RFC4: variants seen among roughly 807,000 people sequenced by gnomAD.
RFC4 encodes replication factor C subunit 4.
Under a neutral mutation model 47.6 loss-of-function variants are expected in RFC4, and 38 were observed. That is an observed-to-expected ratio of 0.80 (90% CI 0.62 to 1.05). RFC4 has a LOEUF of 1.05. Among genes scored for constraint, RFC4 ranks in the 50% least tolerant of loss-of-function variants. The pLI is 0.00. For synonymous variants in RFC4, 164 were observed against 150.0 expected, an observed-to-expected ratio of 1.09 and a Z score of -0.68; for missense variants, 489 against 434.0, an observed-to-expected ratio of 1.13 and a Z score of -1.13.
rs114462091 is a variant in RFC4 at position 186,804,978 on chromosome 3, T to C, written c.-11-254A>G. The C allele has an allele frequency of 6.0e-3, 2,019 of 338,046 alleles. 12 individuals carry two copies. Among genetic ancestry groups the C allele is most frequent in the Non-Finnish European group, 8.5e-3 (1,575 of 186,080 alleles). 20.9% of individuals were successfully genotyped at this position (338,046 alleles called of 1,614,324 possible). On this transcript the variant is annotated intron_variant, in intron 1 of 10. Transcript: ENST00000296273. ...CCCTAACGAACTTAGAATCTATTTC[T>C]AGTGCAGGAGTTATAGAACAAAGAT... is the stretch of plus-strand genomic sequence containing the variant.
chr3:186,800,959 A>C (rs1464240787), intron 3 of RFC4, among the ~76,000 whole-genome samples, 158 bp downstream of exon 3: 1 of 152,228 alleles, frequency 6.6e-6, no homozygotes, highest in African/African-American at 2.4e-5. Context: ...ATGCTCAATA[A>C]ATATTTGAAC....
chr3:186,806,040 T>A (rs1303550622), intron 1 of RFC4, among the ~76,000 whole-genome samples: 1 of 152,256 alleles, frequency 6.6e-6, no homozygotes, highest in Non-Finnish European at 1.5e-5. Flanking sequence ...TTTTAATATC[T>A]GTTAGCAGCC....
At chr3:186,792,383 A>G in intron 7 of RFC4, 107 bp downstream of exon 7, 1 of 900,756 alleles carries the variant, frequency 1.1e-6, no homozygotes, top group South Asian at 1.8e-5. Context: ...TGTCTGAAGA[A>G]CTGGCATCAG....
Position 186,794,659 on chromosome 3 carries a change from C to G in RFC4, c.409G>C (p.Asp137His), listed in dbSNP as rs1399650552. The change falls in exon 5 of 11, where the codon GAT becomes CAT. Residue 137 changes from aspartate (D) to histidine (H), a missense_variant and splice_region_variant. By Grantham distance (81) the Asp-to-His change is moderately conservative (BLOSUM62 -1). Coordinates refer to ENST00000296273, the MANE Select transcript of RFC4 (RefSeq NM_002916.5). ...AGGAGGGAGGGCAAATTTACTTACT[C>G]TGAGCGACTTCCTGACACAGTTAAT... ...AQLTVSGSRS[D>H]GKPCPPFKIV... 7.4e-6 allele frequency: 12 copies of G among 1,613,446 alleles called. No homozygotes were observed. The highest frequency in any genetic ancestry group is 1.0e-5 in the Non-Finnish European group (12 of 1,179,780).
At chr3:186,800,562 T>C (rs781729102) in intron 3 of RFC4, among the ~76,000 whole-genome samples, 68 of 152,332 alleles carry the variant, frequency 4.5e-4, no homozygotes, top group Non-Finnish European at 7.3e-4. Context: ...CATGGGTTTA[T>C]CTTATCTCAG....
intron 2 of RFC4, among the ~76,000 whole-genome samples, chr3:186,801,710 CAAAAAAAAAAA>C: frequency 1.4e-5 from 1 of 72,910 alleles, no homozygotes; most frequent in East Asian, 4.0e-4. Context: ...GACTCTGTCT[CAAAAAAAAAAA>C]AAAAAAAAAA....
chr3:186,794,012 G>A (rs1485560701), intron 5 of RFC4, among the ~76,000 whole-genome samples: 1 of 152,028 alleles, frequency 6.6e-6, no homozygotes, highest in Non-Finnish European at 1.5e-5. Context: ...GTGAACCACT[G>A]CGCCCGGCCT....
rs765989515 is a variant in RFC4, at chr3:186,794,703, T to C, written c.365A>G (p.Lys122Arg). Residue 122 changes from lysine (K) to arginine (R), a missense_variant, in exon 5 of 11, where the codon AAA becomes AGA. Lys to Arg is a conservative substitution (Grantham distance 26). This residue lies in a region of RFC4 where 206 missense variants were observed against 257.8 expected (regional missense o/e 0.80). Transcript: ENST00000296273. Reference sequence around the variant, plus strand: ...AGTTAATTGAGCAAAATTTTTCACTTTCTCTCGAACTACTTGTATTCCACG... The same window carrying C: ...AGTTAATTGAGCAAAATTTTTCACTCTCTCTCGAACTACTTGTATTCCACG... ...DERGIQVVRE[K>R]VKNFAQLTVS... 88 of 1,614,016 alleles carry C rather than the reference T, an allele frequency of 5.5e-5. No individual in the cohort carries two copies. The highest frequency in any genetic ancestry group is 6.2e-5 in the Non-Finnish European group (73 of 1,180,004).
At chr3:186,797,727 G>A (rs1313675424) in intron 3 of RFC4, 113 bp from the exon 4 acceptor site, 12 of 647,012 alleles carry the variant, frequency 1.9e-5, no homozygotes, top group South Asian at 6.2e-5. Flanking sequence ...AATAGGGCAC[G>A]TAATTTCTAA....
At chr3:186,797,168 T>C (rs1465946506) in intron 4 of RFC4, among the ~76,000 whole-genome samples, 1 of 152,090 alleles carries the variant, frequency 6.6e-6, no homozygotes, top group Non-Finnish European at 1.5e-5. Context: ...GCAGATTCTA[T>C]CATGTAGCCA....
rs2066497 is a variant in RFC4, at chr3:186,790,333, A to G, written c.875T>C (p.Val292Ala). 6.2e-6 allele frequency: 10 copies of G among 1,613,590 alleles called. No individual in the cohort carries two copies. The Admixed American group carries it at 1.3e-4, about 22-fold the overall frequency. The change falls in exon 9 of 11, where the codon GTG becomes GCG. Residue 292 changes from valine (V) to alanine (A), a missense_variant. Coordinates refer to ENST00000296273, the MANE Select transcript of RFC4 (RefSeq NM_002916.5). ...QSGSFDKLEA[V>A]VKDLIDEGHA... ...TTAGTAAGCTGACTTTACCTTGACC[A>G]CAGCTTCTAGTTTGTCAAAAGAGCC... is the stretch of plus-strand genomic sequence containing the variant.
intron 3 of RFC4, among the ~76,000 whole-genome samples, chr3:186,798,034 T>C (rs937796471): frequency 6.6e-6 from 1 of 152,102 alleles, no homozygotes; most frequent in Non-Finnish European, 1.5e-5. Context: ...AAAAGAGTAA[T>C]GGGATTTGGC....
intron 8 of RFC4, chr3:186,791,498 C>CTG (rs1485025771): frequency 2.6e-5 from 13 of 499,306 alleles, no homozygotes; most frequent in Middle Eastern, 2.9e-4. Flanking sequence ...AAACTAACAA[C>CTG]TGAAAGTGTC....
At chr3:186,792,764 T>C (rs1236596987) in intron 6 of RFC4, 40 bp downstream of exon 6, 1 of 1,574,078 alleles carries the variant, frequency 6.4e-7, no homozygotes, top group Non-Finnish European at 8.6e-7. Context: ...GTTATGAAAA[T>C]AAGGCTGCCT....
intron 3 of RFC4, 82 bp downstream of exon 3, chr3:186,801,035 C>T: frequency 1.9e-6 from 2 of 1,027,952 alleles, no homozygotes; most frequent in East Asian, 2.4e-5. Flanking sequence ...TTAACGAGGG[C>T]TAGAAGTTAT....
chr3:186,800,877 C>T (rs1258937401), intron 3 of RFC4, among the ~76,000 whole-genome samples: 1 of 152,062 alleles, frequency 6.6e-6, no homozygotes, highest in Non-Finnish European at 1.5e-5. Flanking sequence ...GTCTATGTTT[C>T]ATAGTTTGTC....
Position 186,793,408 on chromosome 3 carries a change from C to T in RFC4, c.411-461G>A, listed in dbSNP as rs1440672357. Among the ~76,000 whole-genome samples, 1 of 152,206 alleles carries T rather than the reference C, an allele frequency of 6.6e-6. No homozygotes were observed. Among genetic ancestry groups the T allele is most frequent in the Non-Finnish European group, 1.5e-5 (1 of 68,044 alleles). ...TTTATTCATCCATTAATCGGTTGGACATTTGGGCTGTTTCCATGTTTTGGC... is the reference window on the plus strand; with the variant it reads ...TTTATTCATCCATTAATCGGTTGGATATTTGGGCTGTTTCCATGTTTTGGC... On this transcript the variant is annotated intron_variant, in intron 5 of 10. Coordinates refer to ENST00000296273, the MANE Select transcript of RFC4 (RefSeq NM_002916.5). This position sits in a 1 kb window ranked among gnomAD's most constrained non-coding sequence, Gnocchi z 4.2.
intron 1 of RFC4, among the ~76,000 whole-genome samples, chr3:186,805,946 C>T (rs73886091): frequency 0.016 from 2,372 of 152,284 alleles, 55 homozygotes; most frequent in African/African-American, 0.052. Flanking sequence ...GCCTATTCCA[C>T]AGGACAACTG....
At chr3:186,804,464 A>AGC in intron 2 of RFC4, 119 bp downstream of exon 2, 1 of 1,030,156 alleles carries the variant, frequency 9.7e-7, no homozygotes, top group Non-Finnish European at 1.4e-6. Flanking sequence ...TTTTTTTTCA[A>AGC]AGACAACTTC....
Sources: allele counts gnomAD v4.1 joint callset (sites outside exome capture counted in the v4.1 genomes callset), GRCh38; gene constraint gnomAD v4.1.1; regional missense constraint gnomAD v4.1.1; non-coding constraint Gnocchi (gnomAD v3.1); transcripts MANE v1.5; gene names NCBI Gene and HGNC (gene_info 2026-07-23, HGNC 2026-07-21).